The following DLGAP2 variants were observed in gnomAD, a reference collection of about 807,000 sequenced individuals.
DLGAP2 encodes disks large-associated protein 2.
A neutral mutation model predicts 100.3 loss-of-function variants in DLGAP2; 26 were observed. The ratio of observed to expected loss-of-function variants is 0.26; its 90% CI spans 0.19 to 0.36. The LOEUF (loss-of-function observed/expected upper bound fraction) is 0.36. Among genes scored for constraint, DLGAP2 ranks in the 10% least tolerant of loss-of-function variants. The pLI is 1.00. For missense variants in DLGAP2, 1,858 were observed against 1,453.2 expected, an observed-to-expected ratio of 1.28 and a Z score of -4.53; for synonymous variants, 886 against 630.1, an observed-to-expected ratio of 1.41 and a Z score of -6.08.
intron 2 of DLGAP2, among the ~76,000 whole-genome samples, chr8:986,834 A>G (rs1800501827): frequency 1.3e-5 from 2 of 151,850 alleles, no homozygotes; most frequent in African/African-American, 4.8e-5. Context: ...TAATTTTTGT[A>G]TTTTTGGTAG....
intron 2 of DLGAP2, among the ~76,000 whole-genome samples, chr8:910,743 G>A (rs1463282639): frequency 6.6e-6 from 1 of 152,162 alleles, no homozygotes; most frequent in Admixed American, 6.5e-5. Flanking sequence ...CAGGTGTCTG[G>A]ATTTTTGCAG....
chr8:801,090 CG>C (rs1796143093), intron 1 of DLGAP2, among the ~76,000 whole-genome samples: 1 of 151,902 alleles, frequency 6.6e-6, no homozygotes. Flanking sequence ...CACCACGCTG[CG>C]TGTTCACAGA....
intron 2 of DLGAP2, chr8:910,400 C>T (rs1009975678): frequency 1.3e-5 from 2 of 152,160 alleles, no homozygotes; most frequent in African/African-American, 2.4e-5. Context: ...TGCTGTGAAG[C>T]GTCAGAGGGA....
intron 2 of DLGAP2, among the ~76,000 whole-genome samples, chr8:1,173,667 C>A (rs563042339): frequency 6.6e-6 from 1 of 152,170 alleles, no homozygotes; most frequent in Non-Finnish European, 1.5e-5. Context: ...ACGTTATGGG[C>A]GTAGGACCCT....
intron 2 of DLGAP2, among the ~76,000 whole-genome samples, chr8:944,298 T>C (rs1799263582): frequency 2.0e-5 from 3 of 151,620 alleles, no homozygotes; most frequent in Non-Finnish European, 2.9e-5. Flanking sequence ...CCCATGTGGG[T>C]GATCCAGTGG....
intron 3 of DLGAP2, among the ~76,000 whole-genome samples, chr8:1,439,423 T>G (rs1287180449): frequency 6.6e-6 from 1 of 152,100 alleles, no homozygotes; most frequent in African/African-American, 2.4e-5. Context: ...GCGTGTCCTC[T>G]CTAGTTCCTC....
Position 1,678,305 on chromosome 8 carries a change from G to A in DLGAP2, c.2380G>A (p.Asp794Asn), listed in dbSNP as rs1798859148. 1 of 1,614,012 alleles carries A rather than the reference G, an allele frequency of 6.2e-7. No individual in the cohort carries two copies. Among genetic ancestry groups the A allele is most frequent in the East Asian group, 2.2e-5 (1 of 44,876 alleles). ...GTTCCCAGGCCACATCACCACGGAG[G>A]ACAAAGGCCTTCAGTTCGGCTCATC... The part of the protein sequence containing the change: ...EGFPGHITTE[D>N]KGLQFGSSFQ... Residue 794 changes from aspartate (D) to asparagine (N), a missense_variant, in exon 12 of 15, where the codon GAC becomes AAC. Asp to Asn is a conservative substitution (Grantham distance 23). Transcript: ENST00000637795.
chr8:1,554,608 C>T (rs1801893257), intron 5 of DLGAP2, among the ~76,000 whole-genome samples: 1 of 152,168 alleles, frequency 6.6e-6, no homozygotes, highest in South Asian at 2.1e-4. Flanking sequence ...CCCGCTTTGC[C>T]CCTGTATCTA....
intron 2 of DLGAP2, among the ~76,000 whole-genome samples, chr8:957,809 T>C (rs1057459408): frequency 1.3e-5 from 2 of 152,228 alleles, no homozygotes; most frequent in Admixed American, 1.3e-4. Flanking sequence ...ATGTGTCTAA[T>C]TGGTATAGTT....
intron 2 of DLGAP2, among the ~76,000 whole-genome samples, chr8:930,648 A>G (rs1312159217): frequency 6.6e-6 from 1 of 152,108 alleles, no homozygotes; most frequent in African/African-American, 2.4e-5. Context: ...GGTGTGGGAC[A>G]CAGGCTGTGG....
chr8:1,244,184 A>G (rs189043523), intron 2 of DLGAP2, among the ~76,000 whole-genome samples: 8 of 152,352 alleles, frequency 5.3e-5, no homozygotes, highest in Admixed American at 2.0e-4. Context: ...TGAGTGCGAT[A>G]CGGTTAGAGT....
At chr8:1,250,013 T>A (rs895970189) in intron 2 of DLGAP2, among the ~76,000 whole-genome samples, 5 of 152,186 alleles carry the variant, frequency 3.3e-5, no homozygotes, top group Non-Finnish European at 7.3e-5. Context: ...CCCGAGTAGC[T>A]GAGACTACAG....
At chr8:1,183,690 G>A (rs1167525319) in intron 2 of DLGAP2, among the ~76,000 whole-genome samples, 1 of 152,186 alleles carries the variant, frequency 6.6e-6, no homozygotes, top group African/African-American at 2.4e-5. Context: ...AGAGAAGGCT[G>A]CTTCCACCCC....
chr8:1,057,632 G>A (rs1454236477), intron 2 of DLGAP2, among the ~76,000 whole-genome samples: 1 of 152,218 alleles, frequency 6.6e-6, no homozygotes, highest in Non-Finnish European at 1.5e-5. Flanking sequence ...TCTGGAGAAT[G>A]TAAGCAGGGA....
intron 2 of DLGAP2, among the ~76,000 whole-genome samples, chr8:1,243,754 T>C (rs1165717861): frequency 6.6e-6 from 1 of 152,150 alleles, no homozygotes; most frequent in Non-Finnish European, 1.5e-5. Flanking sequence ...GCATCTCGCC[T>C]CTGCTGTCTC....
At chr8:1,300,844 T>C (rs1800319024) in intron 3 of DLGAP2, 1 of 152,218 alleles carries the variant, frequency 6.6e-6, no homozygotes, top group African/African-American at 2.4e-5. Context: ...TTTCCATGTA[T>C]GATTTCATCC....
chr8:770,585 TG>T (rs1821330430), intron 1 of DLGAP2, among the ~76,000 whole-genome samples: 1 of 152,196 alleles, frequency 6.6e-6, no homozygotes, highest in African/African-American at 2.4e-5. Context: ...TGGCAGTTTC[TG>T]TGGGCTCCGA....
chr8:1,329,352 C>T (rs900925280), intron 3 of DLGAP2, among the ~76,000 whole-genome samples: 1 of 152,154 alleles, frequency 6.6e-6, no homozygotes, highest in Non-Finnish European at 1.5e-5. Context: ...AATGGCATTT[C>T]ATTTAGAATT....
chr8:1,501,910 C>G (rs1344254906), intron 4 of DLGAP2, among the ~76,000 whole-genome samples: 2 of 152,168 alleles, frequency 1.3e-5, no homozygotes, highest in African/African-American at 2.4e-5. Context: ...GACACACTTT[C>G]CCCGATGCTG....
Sources: gnomAD v4.1 joint callset for allele counts (sites outside exome capture counted in the v4.1 genomes callset) on GRCh38, gnomAD v4.1.1 for gene constraint, MANE v1.5 for transcripts, NCBI Gene and HGNC (gene_info 2026-07-23, HGNC 2026-07-21) for gene names.